The following FGFR2 variants were observed in gnomAD, a reference collection of about 807,000 sequenced individuals.
FGFR2 encodes BEK fibroblast growth factor receptor.
FGFR2 carries 19 observed loss-of-function variants against 95.9 expected under a neutral mutation model. The observed-to-expected ratio is 0.20, with a 90% CI of 0.14 to 0.29. The LOEUF (loss-of-function observed/expected upper bound fraction) is 0.29, where lower values mean the gene tolerates loss of function less well. Ranked by LOEUF, FGFR2 falls within the 10% of genes least tolerant of loss-of-function variation. The pLI, the probability that FGFR2 is intolerant of heterozygous loss-of-function variation, is 1.00. For synonymous variants in FGFR2, 392 were observed against 393.3 expected, an observed-to-expected ratio of 1.00 and a Z score of 0.04; for missense variants, 707 against 1,056.9, an observed-to-expected ratio of 0.67 and a Z score of 4.59.
chr10:121,558,036 C>T (rs1465487712), intron 4 of FGFR2, among the ~76,000 whole-genome samples: 1 of 152,224 alleles, frequency 6.6e-6, no homozygotes, highest in East Asian at 1.9e-4. Flanking sequence ...CTCTCCATCA[C>T]TTCCCTCGAG....
chr10:121,493,148 G>C (rs1371613339), intron 13 of FGFR2, among the ~76,000 whole-genome samples: 1 of 152,114 alleles, frequency 6.6e-6, no homozygotes, highest in African/African-American at 2.4e-5. Flanking sequence ...CCTATTTCCG[G>C]GTTGTTCTGA....
At position 121,515,222 on chromosome 10, in the gene FGFR2, T is replaced by C. The variant is rs2134226085; in HGVS notation, c.1182A>G (p.Thr394=). ...GVFLIACMVV[T]VILCRMKNTT... ...TGTTCTTCATTCGGCACAGGATGAC[T>C]GTTACCACCATACAGGCGATTAAGA... The change falls in exon 9 of 18, where the codon ACA becomes ACG. Residue 394 remains threonine, a synonymous_variant. Transcript: ENST00000358487. 3.1e-6 allele frequency: 5 copies of C among 1,614,210 alleles called. No individual in the cohort carries two copies. Among genetic ancestry groups the C allele is most frequent in the Non-Finnish European group, 4.2e-6 (5 of 1,180,038 alleles).
chr10:121,549,235 A>G (rs1315737340), intron 5 of FGFR2, among the ~76,000 whole-genome samples: 1 of 152,228 alleles, frequency 6.6e-6, no homozygotes, highest in Non-Finnish European at 1.5e-5. Context: ...ATAATCCTTT[A>G]AAGATGAATA....
intron 15 of FGFR2, among the ~76,000 whole-genome samples, chr10:121,486,982 T>C (rs1845499749): frequency 6.6e-6 from 1 of 152,188 alleles, no homozygotes; most frequent in Non-Finnish European, 1.5e-5. Flanking sequence ...GAGGGAAATA[T>C]GACAAACTAC....
intron 2 of FGFR2, among the ~76,000 whole-genome samples, chr10:121,588,621 A>C (rs1051958536): frequency 1.3e-5 from 2 of 152,188 alleles, no homozygotes; most frequent in Non-Finnish European, 2.9e-5. Context: ...AAGATGGAAA[A>C]AAATGCAAAA....
intron 13 of FGFR2, among the ~76,000 whole-genome samples, chr10:121,489,174 G>A (rs905675499): frequency 1.3e-5 from 2 of 152,136 alleles, no homozygotes; most frequent in African/African-American, 2.4e-5. Context: ...CTGGGTTCAA[G>A]CGATTCTCCT....
chr10:121,577,178 T>TAGAGAGAGAGAGAGAGAGAGAGAGAG (rs1169688456), intron 2 of FGFR2, among the ~76,000 whole-genome samples: 15 of 5,210 alleles, frequency 2.9e-3, no homozygotes, highest in Non-Finnish European at 3.0e-3. Context: ...TATATATATA[T>TAGAGAGAGAGAGAGAGAGAGAGAGAG]AGAGAGAGAG....
intron 9 of FGFR2, among the ~76,000 whole-genome samples, chr10:121,514,431 AACC>A (rs1195728724): frequency 1.3e-5 from 2 of 152,314 alleles, no homozygotes; most frequent in African/African-American, 4.8e-5. Context: ...AGCAAAAAGC[AACC>A]ACCAAAGACC....
At chr10:121,496,465 T>C in intron 13 of FGFR2, 67 bp downstream of exon 13, 15 of 1,479,216 alleles carry the variant, frequency 1.0e-5, no homozygotes, top group Non-Finnish European at 1.3e-5. Flanking sequence ...ATGTCCAAAT[T>C]GCCTGTTTTC....
At chr10:121,566,335 C>A (rs910831893) in intron 2 of FGFR2, among the ~76,000 whole-genome samples, 1 of 152,122 alleles carries the variant, frequency 6.6e-6, no homozygotes, top group African/African-American at 2.4e-5. Context: ...GCTGTTTTCC[C>A]AAAATGATAA....
chr10:121,574,940 G>A (rs1283643569), intron 2 of FGFR2, among the ~76,000 whole-genome samples: 3 of 152,182 alleles, frequency 2.0e-5, no homozygotes, highest in Non-Finnish European at 4.4e-5. Flanking sequence ...CAGTTGTCAG[G>A]GTGTCTGGTA....
intron 9 of FGFR2, among the ~76,000 whole-genome samples, chr10:121,513,863 T>G (rs1849357254): frequency 6.6e-6 from 1 of 152,176 alleles, no homozygotes; most frequent in South Asian, 2.1e-4. Flanking sequence ...CAAGGACCCA[T>G]TCAGCCAGGA....
intron 5 of FGFR2, among the ~76,000 whole-genome samples, chr10:121,542,760 G>A (rs897034607): frequency 6.6e-6 from 1 of 152,112 alleles, no homozygotes; most frequent in African/African-American, 2.4e-5. Flanking sequence ...AAAGACACAA[G>A]GTGGCCCAGA....
intron 13 of FGFR2, among the ~76,000 whole-genome samples, chr10:121,492,768 C>T (rs1338005857): frequency 6.6e-6 from 1 of 152,214 alleles, no homozygotes; most frequent in Non-Finnish European, 1.5e-5. Flanking sequence ...TGCAGGTGGC[C>T]TCCAGTAAGT....
chr10:121,551,250 A>C, intron 5 of FGFR2, 40 bp downstream of exon 5: 2 of 1,610,862 alleles, frequency 1.2e-6, no homozygotes, highest in Non-Finnish European at 1.7e-6. Context: ...TAAATAAACA[A>C]AAATGTAAGA....
rs761579353 is a variant in FGFR2 at position 121,498,467 on chromosome 10, G to T, written c.1672+28C>A. On this transcript the variant is annotated intron_variant, in intron 12 of 17. Coordinates refer to ENST00000358487, the MANE Select transcript of FGFR2 (RefSeq NM_000141.5). ...ATTCAATCAAACTGCAGAGTATTTG[G>T]GCGAATGCAGTTTTTCCTCCTACTC... 2.9e-6 allele frequency: 4 copies of T among 1,376,480 alleles called. No individual in the cohort carries two copies. In the South Asian group the frequency reaches 4.6e-5, roughly 16 times the overall value. The allele number at this position is 1,376,480 out of a possible 1,614,324, so 85.3% of individuals were successfully genotyped here. A position where few individuals can be genotyped will look rare whatever the true frequency, so the allele number is the denominator to read the frequency against.
At chr10:121,575,670 C>A (rs1343546924) in intron 2 of FGFR2, among the ~76,000 whole-genome samples, 1 of 151,148 alleles carries the variant, frequency 6.6e-6, no homozygotes, top group Non-Finnish European at 1.5e-5. Context: ...GCCTGGCCAA[C>A]ATGGTGAAAC....
chr10:121,482,420 A>G (rs1316495848), intron 17 of FGFR2, among the ~76,000 whole-genome samples: 1 of 152,174 alleles, frequency 6.6e-6, no homozygotes, highest in Non-Finnish European at 1.5e-5. Flanking sequence ...ATATCACTAC[A>G]TTTGATTATT....
At chr10:121,552,121 C>T (rs1172665793) in intron 4 of FGFR2, among the ~76,000 whole-genome samples, 1 of 151,978 alleles carries the variant, frequency 6.6e-6, no homozygotes, top group Admixed American at 6.5e-5. Context: ...CCCTACCACC[C>T]CACCTAATGA....
Sources: gnomAD v4.1 joint callset for allele counts (sites outside exome capture counted in the v4.1 genomes callset) on GRCh38, gnomAD v4.1.1 for gene constraint, MANE v1.5 for transcripts, NCBI Gene and HGNC (gene_info 2026-07-23, HGNC 2026-07-21) for gene names.